TRERF1: variants seen among roughly 807,000 people sequenced by gnomAD.
TRERF1 encodes transcriptional-regulating factor 1.
A neutral mutation model predicts 122.9 loss-of-function variants in TRERF1; 27 were observed. That is an observed-to-expected ratio of 0.22 (90% CI 0.16 to 0.30). The LOEUF (loss-of-function observed/expected upper bound fraction) is 0.30. Among genes scored for constraint, TRERF1 ranks in the 10% least tolerant of loss-of-function variants. The pLI, the probability that TRERF1 is intolerant of heterozygous loss-of-function variation, is 1.00. For missense variants in TRERF1, 1,248 were observed against 1,560.3 expected, an observed-to-expected ratio of 0.80 and a Z score of 3.37; for synonymous variants, 636 against 641.7, an observed-to-expected ratio of 0.99 and a Z score of 0.13.
At chr6:42,230,178 G>A (rs7755400) in intron 17 of TRERF1, among the ~76,000 whole-genome samples, 78,619 of 151,928 alleles carry the variant, frequency 0.52, 21,998 homozygotes, top group East Asian at 0.82. Context: ...TCACAATTCT[G>A]CTTGGACACA....
chr6:42,363,869 G>C (rs1772239662), intron 2 of TRERF1, among the ~76,000 whole-genome samples: 1 of 152,142 alleles, frequency 6.6e-6, no homozygotes. Context: ...CCTTGATCTT[G>C]GACTTGCAGC....
intron 12 of TRERF1, 109 bp from the exon 13 acceptor site, chr6:42,255,035 C>A: frequency 9.2e-7 from 1 of 1,090,514 alleles, no homozygotes; most frequent in Non-Finnish European, 1.4e-6. Flanking sequence ...AGGTCAGGGG[C>A]GGGGGCACTG....
intron 2 of TRERF1, among the ~76,000 whole-genome samples, chr6:42,363,717 A>G (rs1772210353): frequency 6.6e-6 from 1 of 152,126 alleles, no homozygotes; most frequent in African/African-American, 2.4e-5. Flanking sequence ...CTAATCCAAA[A>G]TGACTCTGGT....
intron 3 of TRERF1, among the ~76,000 whole-genome samples, chr6:42,358,131 T>C (rs1393797287): frequency 6.6e-6 from 1 of 152,156 alleles, no homozygotes; most frequent in East Asian, 1.9e-4. Context: ...TACAGAGGCA[T>C]ACCATACAAC....
intron 2 of TRERF1, among the ~76,000 whole-genome samples, chr6:42,407,702 AT>A (rs1484026203): frequency 3.3e-5 from 5 of 151,824 alleles, no homozygotes; most frequent in Admixed American, 6.6e-5. Context: ...TTACTACAGA[AT>A]TTCCCCCCTC....
At chr6:42,441,742 G>A (rs1786556475) in intron 2 of TRERF1, among the ~76,000 whole-genome samples, 1 of 152,104 alleles carries the variant, frequency 6.6e-6, no homozygotes, top group Non-Finnish European at 1.5e-5. Flanking sequence ...CAGGCTCTGT[G>A]CTAGAGGCCG....
chr6:42,378,513 G>A (rs888858854), intron 2 of TRERF1, among the ~76,000 whole-genome samples: 1 of 152,128 alleles, frequency 6.6e-6, no homozygotes, highest in Non-Finnish European at 1.5e-5. Context: ...TCAAAAAGCT[G>A]ATATTCAATC....
intron 4 of TRERF1, among the ~76,000 whole-genome samples, chr6:42,273,777 C>A (rs1582739834): frequency 6.6e-6 from 1 of 152,356 alleles, no homozygotes; most frequent in Non-Finnish European, 1.5e-5. Context: ...GCTTAAACCT[C>A]TTCACTTAGC....
intron 2 of TRERF1, among the ~76,000 whole-genome samples, chr6:42,381,504 G>C (rs1354050056): frequency 6.6e-6 from 1 of 152,042 alleles, no homozygotes; most frequent in African/African-American, 2.4e-5. Context: ...GCTGTTTATA[G>C]GGTAGGACCA....
chr6:42,245,603 A>G (rs1222760039), intron 14 of TRERF1, among the ~76,000 whole-genome samples: 3 of 152,262 alleles, frequency 2.0e-5, no homozygotes, highest in East Asian at 1.9e-4. Flanking sequence ...AATAAAGTCA[A>G]TAAGTTTATC....
intron 4 of TRERF1, among the ~76,000 whole-genome samples, chr6:42,282,840 G>A: frequency 6.6e-6 from 1 of 152,130 alleles, no homozygotes; most frequent in Admixed American, 6.6e-5. Flanking sequence ...AGAAATACAG[G>A]GTTAGGTTCC....
Position 42,373,993 on chromosome 6 carries a change from C to T in TRERF1, c.-453-10914G>A, listed in dbSNP as rs1164031247. ...ACTAAAAATACAAAAATTAGCTGGG[C>T]GTGGTGGCACGTGCTTGTAATCCCA... On this transcript the variant is annotated intron_variant, in intron 2 of 17. Transcript: ENST00000372922. 6.0e-5 allele frequency among the ~76,000 whole-genome samples: 9 copies of T among 150,868 alleles called. No individual in the cohort carries two copies. The South Asian group carries it at 6.3e-4, about 11-fold the overall frequency.
Position 42,232,049 on chromosome 6 carries a change from CT to C in TRERF1, c.3278+631del, listed in dbSNP as rs1292783949. Among the ~76,000 whole-genome samples the C allele has an allele frequency of 3.9e-5, 6 of 152,266 alleles. No individual in the cohort carries two copies. In the East Asian group the frequency reaches 5.8e-4, roughly 15 times the overall value. ...AGCTATTATAATTACTATCTCGTTACTTTTTTTCTTTAGCTGTTGTTGTTTT... is the reference window on the plus strand; with the variant it reads ...AGCTATTATAATTACTATCTCGTTACTTTTTTCTTTAGCTGTTGTTGTTTT... On this transcript the variant is annotated intron_variant, in intron 17 of 17. Coordinates refer to ENST00000372922, the Ensembl canonical transcript of TRERF1. The surrounding 1 kb of genome is among the most constrained non-coding windows in gnomAD (Gnocchi z 4.5).
rs771731298 is a variant in TRERF1 at position 42,259,300 on chromosome 6, G to A, written c.2269+39C>T. On this transcript the variant is annotated intron_variant, in intron 9 of 17. Transcript: ENST00000372922. This position sits in a 1 kb window ranked among gnomAD's most constrained non-coding sequence, Gnocchi z 4.9. ...ACGAGATGTCCCAGGACTTTACCCA[G>A]CACCCAGAGCCCAGGAGGACGCTAA... 13 of 1,481,198 alleles carry A rather than the reference G, an allele frequency of 8.8e-6. No individual in the cohort carries two copies. The South Asian group carries it at 1.5e-4, about 17-fold the overall frequency. The allele number at this position is 1,481,198 out of a possible 1,614,324, so 91.8% of individuals were successfully genotyped here.
chr6:42,357,328 C>CAA lies in TRERF1; in HGVS notation c.-371+5667_-371+5668dup, dbSNP rs35651008. Among the ~76,000 whole-genome samples the CAA allele has an allele frequency of 2.6e-3, 155 of 60,578 alleles. 1 individual carries two copies. Among genetic ancestry groups the CAA allele is most frequent in the Non-Finnish European group, 3.6e-3 (98 of 27,248 alleles). 39.7% of individuals were successfully genotyped at this position (60,578 alleles called of 152,430 possible). A position where few individuals can be genotyped will look rare whatever the true frequency, so the allele number is the denominator to read the frequency against. On this transcript the variant is annotated intron_variant, in intron 3 of 17. Coordinates refer to ENST00000372922, the Ensembl canonical transcript of TRERF1. ...TGGGCAAAAGAGTAAGACTCTGTCT[C>CAA]AAAAAAAAAAAAAAAAAAAAAAAAA...
chr6:42,230,242 T>A (rs755686651), intron 17 of TRERF1, among the ~76,000 whole-genome samples: 14 of 152,204 alleles, frequency 9.2e-5, no homozygotes, highest in Non-Finnish European at 2.1e-4. Flanking sequence ...AGAGGTATTT[T>A]GTGAACATTT....
chr6:42,325,808 G>A (rs1478744786), intron 3 of TRERF1, among the ~76,000 whole-genome samples: 5 of 152,178 alleles, frequency 3.3e-5, no homozygotes, highest in South Asian at 2.1e-4. Context: ...CCAGGAGTTC[G>A]AAGCTGCTGT....
At chr6:42,333,556 G>A (rs929638164) in intron 3 of TRERF1, among the ~76,000 whole-genome samples, 1 of 152,236 alleles carries the variant, frequency 6.6e-6, no homozygotes, top group Non-Finnish European at 1.5e-5. Flanking sequence ...CTGCGCAGCT[G>A]GAGAAAGGCT....
intron 3 of TRERF1, among the ~76,000 whole-genome samples, chr6:42,322,815 GC>G (rs1358922580): frequency 3.3e-5 from 5 of 152,090 alleles, no homozygotes; most frequent in African/African-American, 1.2e-4. Context: ...CTGAGAGGAA[GC>G]AGGGGGATTA....
Sources: allele counts gnomAD v4.1 joint callset (sites outside exome capture counted in the v4.1 genomes callset), GRCh38; gene constraint gnomAD v4.1.1; non-coding constraint Gnocchi (gnomAD v3.1); transcripts MANE v1.5; gene names NCBI Gene and HGNC (gene_info 2026-07-23, HGNC 2026-07-21).